Variants in ADAM10 observed in about 807,000 individuals in gnomAD.
ADAM10 encodes ADAM metallopeptidase domain 10, also known as disintegrin and metalloproteinase domain-containing protein 10.
A neutral mutation model predicts 90.1 loss-of-function variants in ADAM10; 17 were observed. The observed-to-expected ratio is 0.19, with a 90% CI of 0.13 to 0.28. ADAM10 has a LOEUF of 0.28. Ranked by LOEUF, ADAM10 falls within the 10% of genes least tolerant of loss-of-function variation. The pLI is 1.00. For synonymous variants in ADAM10, 310 were observed against 298.6 expected (o/e 1.04, Z -0.40); for missense variants, 610 against 914.3 (o/e 0.67, Z 4.29).
rs1323960397 is a variant in ADAM10, at chr15:58,647,246, G to GTTTTTTTTTTTTTTTTTTT, written c.586-1043_586-1042insAAAAAAAAAAAAAAAAAAA. On this transcript the variant is annotated intron_variant, in intron 5 of 15. Transcript: ENST00000260408. ...CTTGGCAGCAAAGAGTAGACACTAA[G>GTTTTTTTTTTTTTTTTTTT]TATTTTTTTTTTTTTTTTTTTTTTT... Among the ~76,000 whole-genome samples the GTTTTTTTTTTTTTTTTTTT allele has an allele frequency of 4.3e-4, 16 of 36,846 alleles. 1 individual carries two copies. The highest frequency in any genetic ancestry group is 2.0e-3 in the Admixed American group (7 of 3,486). The allele number at this position is 36,846 out of a possible 152,430, so 24.2% of individuals were successfully genotyped here.
intron 13 of ADAM10, chr15:58,610,746 A>G (rs1895416289): frequency 1.6e-6 from 1 of 642,960 alleles, no homozygotes; most frequent in Non-Finnish European, 2.7e-6. Flanking sequence ...ACGATGACTT[A>G]AAGTCTAACA....
chr15:58,701,022 C>CGAA lies in ADAM10; in HGVS notation c.206+16554_206+16555insTTC, dbSNP rs1555419975. Among the ~76,000 whole-genome samples, 225 of 70,924 alleles carry CGAA rather than the reference C, an allele frequency of 3.2e-3. 3 individuals carry two copies. The highest frequency in any genetic ancestry group is 8.0e-3 in the African/African-American group (220 of 27,352). 46.5% of individuals were successfully genotyped at this position (70,924 alleles called of 152,430 possible). On this transcript the variant is annotated intron_variant, in intron 2 of 15. Coordinates refer to ENST00000260408, the MANE Select transcript of ADAM10 (RefSeq NM_001110.4). ...TCCAACTTAAAAAAAAACAAAAAAA[C>CGAA]AAAAAAAAAAAAACAGGGCAGAATT...
chr15:58,686,854 T>C (rs1663967312), intron 2 of ADAM10, among the ~76,000 whole-genome samples: 1 of 152,190 alleles, frequency 6.6e-6, no homozygotes, highest in African/African-American at 2.4e-5. Flanking sequence ...CAAGTACTTT[T>C]ATACATAAGA....
chr15:58,629,267 C>A (rs1270662062), intron 9 of ADAM10: 1 of 152,204 alleles, frequency 6.6e-6, no homozygotes, highest in Non-Finnish European at 1.5e-5. Context: ...CACTTACCTT[C>A]TATTTTTAAA....
intron 2 of ADAM10, among the ~76,000 whole-genome samples, chr15:58,685,160 T>TAAAAAAAAA (rs140613738): frequency 1.7e-5 from 2 of 119,118 alleles, no homozygotes; most frequent in African/African-American, 3.0e-5. Flanking sequence ...TTATATTAAG[T>TAAAAAAAAA]AAAAAAAAAA....
intron 1 of ADAM10, among the ~76,000 whole-genome samples, chr15:58,724,622 G>A (rs762836951): frequency 6.6e-6 from 1 of 152,218 alleles, no homozygotes; most frequent in Non-Finnish European, 1.5e-5. Flanking sequence ...ATGTGCCAGA[G>A]TGTCAGAAAG....
At chr15:58,740,293 C>G (rs1237216528) in intron 1 of ADAM10, among the ~76,000 whole-genome samples, 14 of 151,962 alleles carry the variant, frequency 9.2e-5, no homozygotes, top group Non-Finnish European at 4.4e-5. Context: ...GCCTGTAGTC[C>G]CAGCTACTCG....
chr15:58,721,038 C>A (rs932208820), intron 1 of ADAM10, among the ~76,000 whole-genome samples: 1 of 152,128 alleles, frequency 6.6e-6, no homozygotes, highest in Non-Finnish European at 1.5e-5. Context: ...GTTTTTAAGT[C>A]GCAGTTCAGA....
Position 58,621,455 on chromosome 15 carries a change from G to A in ADAM10, c.1511+16C>T. The A allele has an allele frequency of 6.2e-7, 1 of 1,613,894 alleles. No homozygotes were observed. Among genetic ancestry groups the A allele is most frequent in the South Asian group, 1.1e-5 (1 of 91,062 alleles). On this transcript the variant is annotated intron_variant, in intron 11 of 15. Coordinates refer to ENST00000260408, the MANE Select transcript of ADAM10 (RefSeq NM_001110.4). ...ACTTTACAAGAATGTTAACATCACTGAAATTAGCAAGGTACCTGCACTGTT... is the reference window on the plus strand; with the variant it reads ...ACTTTACAAGAATGTTAACATCACTAAAATTAGCAAGGTACCTGCACTGTT...
intron 2 of ADAM10, among the ~76,000 whole-genome samples, chr15:58,705,253 C>T (rs1898245892): frequency 6.6e-6 from 1 of 152,134 alleles, no homozygotes; most frequent in African/African-American, 2.4e-5. Flanking sequence ...GGTAAGATGT[C>T]CTGTATAAAG....
intron 2 of ADAM10, among the ~76,000 whole-genome samples, chr15:58,694,914 T>C (rs546331494): frequency 3.9e-4 from 60 of 152,150 alleles, no homozygotes; most frequent in African/African-American, 1.4e-3. Flanking sequence ...TAAAAAGTAA[T>C]GAGGGAATTT....
At chr15:58,696,692 T>G (rs141690013) in intron 2 of ADAM10, among the ~76,000 whole-genome samples, 588 of 152,186 alleles carry the variant, frequency 3.9e-3, no homozygotes, top group Non-Finnish European at 5.6e-3. Context: ...CTCGAACTCC[T>G]GACCTCAGGT....
At chr15:58,718,450 T>C (rs1016304238) in intron 1 of ADAM10, among the ~76,000 whole-genome samples, 2 of 107,260 alleles carry the variant, frequency 1.9e-5, no homozygotes, top group Admixed American at 1.1e-4. Flanking sequence ...TGTACTATCT[T>C]TGTCAAGTTT....
In ADAM10 at chr15:58,708,522, G is replaced by C. The variant is rs1221506829; in HGVS notation, c.206+9055C>G. 3.9e-5 allele frequency among the ~76,000 whole-genome samples: 6 copies of C among 152,110 alleles called. No homozygotes were observed. In the East Asian group the frequency reaches 1.2e-3, roughly 29 times the overall value. Reference sequence around the variant, plus strand: ...ACAAAAAAAATTAAAAATTAGCCGAGCATAATGGCACACATCTATGGTCCC... The same window carrying C: ...ACAAAAAAAATTAAAAATTAGCCGACCATAATGGCACACATCTATGGTCCC... On this transcript the variant is annotated intron_variant, in intron 2 of 15. Transcript: ENST00000260408.
At chr15:58,651,821 C>T (rs1264257599) in intron 5 of ADAM10, among the ~76,000 whole-genome samples, 4 of 152,148 alleles carry the variant, frequency 2.6e-5, no homozygotes, top group African/African-American at 7.2e-5. Flanking sequence ...GAGGAACCTC[C>T]GAACTATTCT....
intron 11 of ADAM10, among the ~76,000 whole-genome samples, chr15:58,615,802 G>A (rs56044573): frequency 0.027 from 4,151 of 152,206 alleles, 124 homozygotes; most frequent in East Asian, 0.081. Flanking sequence ...GAGGTCAGGA[G>A]TTCAAGACCA....
intron 1 of ADAM10, among the ~76,000 whole-genome samples, chr15:58,731,554 C>A (rs1048124461): frequency 6.6e-6 from 1 of 152,118 alleles, no homozygotes; most frequent in Non-Finnish European, 1.5e-5. Flanking sequence ...CCTGAGCCCA[C>A]GAAGTCGAGG....
intron 2 of ADAM10, among the ~76,000 whole-genome samples, chr15:58,696,878 T>C (rs1172627927): frequency 1.3e-5 from 2 of 152,122 alleles, no homozygotes; most frequent in African/African-American, 4.8e-5. Flanking sequence ...CCTAAGCAGC[T>C]AGAGCACAGC....
At chr15:58,654,680 G>GT (rs1227639408) in intron 5 of ADAM10, among the ~76,000 whole-genome samples, 4 of 152,174 alleles carry the variant, frequency 2.6e-5, no homozygotes, top group Middle Eastern at 3.2e-3. Context: ...CTCCTAGCCA[G>GT]TAAGTTGTGT....
Sources: gnomAD v4.1 joint callset for allele counts (sites outside exome capture counted in the v4.1 genomes callset) on GRCh38, gnomAD v4.1.1 for gene constraint, MANE v1.5 for transcripts, NCBI Gene and HGNC (gene_info 2026-07-23, HGNC 2026-07-21) for gene names.